Variants in ZSCAN1 observed in about 807,000 individuals in gnomAD.
ZSCAN1 encodes zinc finger and SCAN domain containing 1, also known as zinc finger and SCAN domain-containing protein 1.
A neutral mutation model predicts 23.8 loss-of-function variants in ZSCAN1; 23 were observed. The observed-to-expected ratio is 0.97, with a 90% CI of 0.70 to 1.37. The LOEUF is 1.37. Ranked by LOEUF, ZSCAN1 falls within the 40% of genes most tolerant of loss-of-function variation. The probability of loss-of-function intolerance (pLI) is 0.00; values close to 1 mark genes in which losing one functional copy is unlikely to be tolerated. For missense variants in ZSCAN1, 575 were observed against 554.0 expected (o/e 1.04, Z -0.38); for synonymous variants, 236 against 232.3 (o/e 1.02, Z -0.15).
chr19:58,041,949 T>C (rs1297450693), intron 4 of ZSCAN1, among the ~76,000 whole-genome samples: 1 of 152,146 alleles, frequency 6.6e-6, no homozygotes, highest in Non-Finnish European at 1.5e-5. Flanking sequence ...GGCAGGCGGA[T>C]CACAAGTTCA....
In ZSCAN1 at chr19:58,046,026, T is replaced by A. The variant is rs1307363011; in HGVS notation, c.465+5482T>A. The stretch of plus-strand genomic sequence containing the variant: ...ACCGCGAGAAGGAGCTGCAGAAGCA[T>A]TCGGAGGTGGCGAAGGATGTTGAAC... On this transcript the variant is annotated intron_variant, in intron 4 of 5. Coordinates refer to ENST00000282326, the MANE Select transcript of ZSCAN1 (RefSeq NM_182572.4). The A allele has an allele frequency of 2.0e-5, 14 of 697,260 alleles. No individual in the cohort carries two copies. In the East Asian group the frequency reaches 3.2e-4, roughly 16 times the overall value. 43.2% of individuals were successfully genotyped at this position (697,260 alleles called of 1,614,324 possible).
Position 58,035,951 on chromosome 19 carries a change from T to C in ZSCAN1, c.-151-19T>C, listed in dbSNP as rs1000654806. 6.6e-6 allele frequency: 1 copy of C among 152,162 alleles called. No individual in the cohort carries two copies. The highest frequency in any genetic ancestry group is 2.4e-5 in the African/African-American group (1 of 41,426). 9.4% of individuals were successfully genotyped at this position (152,162 alleles called of 1,614,324 possible). A position where few individuals can be genotyped will look rare whatever the true frequency, so the allele number is the denominator to read the frequency against. On this transcript the variant is annotated intron_variant, in intron 1 of 5. Coordinates refer to ENST00000282326, the MANE Select transcript of ZSCAN1 (RefSeq NM_182572.4). ...CCTAAAGATGTCTTGTTTTGTTTTG[T>C]TTTTCCATGTTGATGAAGGTCACAT...
chr19:58,045,883 C>A lies in ZSCAN1; in HGVS notation c.465+5339C>A. 1 of 1,010,782 alleles carries A rather than the reference C, an allele frequency of 9.9e-7. No homozygotes were observed. Among genetic ancestry groups the A allele is most frequent in the Non-Finnish European group, 1.6e-6 (1 of 630,358 alleles). The allele number at this position is 1,010,782 out of a possible 1,614,324, so 62.6% of individuals were successfully genotyped here. A position where few individuals can be genotyped will look rare whatever the true frequency, so the allele number is the denominator to read the frequency against. On this transcript the variant is annotated intron_variant, in intron 4 of 5. Coordinates refer to ENST00000282326, the MANE Select transcript of ZSCAN1 (RefSeq NM_182572.4). This position sits in a 1 kb window ranked among gnomAD's most constrained non-coding sequence, Gnocchi z 4.3. The stretch of plus-strand genomic sequence containing the variant: ...CCAGCTCAAGTCCACACTGCAGACT[C>A]TCCCAGAGATTGTGGCAAAGGAAGC...
intron 4 of ZSCAN1, chr19:58,044,494 T>TGAGGAGCCACCGAGACGGC (rs1402414291): frequency 5.1e-6 from 2 of 394,894 alleles, no homozygotes; most frequent in Non-Finnish European, 9.0e-6. Flanking sequence ...GGACGGCGCC[T>TGAGGAGCCACCGAGACGGC]GAGGAGCCAC....
chr19:58,043,933 C>T (rs2073806470), intron 4 of ZSCAN1, among the ~76,000 whole-genome samples: 1 of 151,710 alleles, frequency 6.6e-6, no homozygotes. Flanking sequence ...ACCCAAAGTG[C>T]TGGAATTACA....
chr19:58,035,727 G>A (rs562041838), intron 1 of ZSCAN1, among the ~76,000 whole-genome samples: 3 of 152,322 alleles, frequency 2.0e-5, no homozygotes, highest in East Asian at 1.9e-4. Context: ...ACGCTGACTC[G>A]AAGATGGCTG....
intron 4 of ZSCAN1, chr19:58,046,325 AG>A: frequency 1.1e-6 from 1 of 888,498 alleles, no homozygotes; most frequent in East Asian, 2.4e-5. Context: ...GAGCTCAAGA[AG>A]GAACTTTCAA....
At chr19:58,035,102 T>TCA (rs1040855438) in intron 1 of ZSCAN1, among the ~76,000 whole-genome samples, 1 of 151,826 alleles carries the variant, frequency 6.6e-6, no homozygotes, top group Non-Finnish European at 1.5e-5. Flanking sequence ...TGACACTCTC[T>TCA]CACACACACA....
At position 58,045,234 on chromosome 19, in the gene ZSCAN1, G is replaced by T; in HGVS notation, c.465+4690G>T. The stretch of plus-strand genomic sequence containing the variant: ...CCTGGTGCCGTTCCTCCTGTTCGTG[G>T]TGGTGCCGTTCGTGGAGTTTCTGCT... On this transcript the variant is annotated intron_variant, in intron 4 of 5. Transcript: ENST00000282326. The surrounding 1 kb of genome is among the most constrained non-coding windows in gnomAD (Gnocchi z 4.3). The T allele has an allele frequency of 1.2e-6, 1 of 815,638 alleles. No individual in the cohort carries two copies. The highest frequency in any genetic ancestry group is 1.3e-5 in the South Asian group (1 of 75,176). The allele number at this position is 815,638 out of a possible 1,614,324, so 50.5% of individuals were successfully genotyped here.
In ZSCAN1 at chr19:58,054,090, C is replaced by T; in HGVS notation, c.*39C>T. 6.9e-7 allele frequency: 1 copy of T among 1,449,934 alleles called. No individual in the cohort carries two copies. The highest frequency in any genetic ancestry group is 1.5e-5 in the South Asian group (1 of 68,660). 89.8% of individuals were successfully genotyped at this position (1,449,934 alleles called of 1,614,324 possible). A position where few individuals can be genotyped will look rare whatever the true frequency, so the allele number is the denominator to read the frequency against. ...GGCCTCGGCCACCCGGCCCTGAGTCCCTGGGGGGAGCTGATGGGCCCCAGA... is the reference window on the plus strand; with the variant it reads ...GGCCTCGGCCACCCGGCCCTGAGTCTCTGGGGGGAGCTGATGGGCCCCAGA... On this transcript the variant is annotated 3_prime_UTR_variant, in exon 6 of 6. Transcript: ENST00000282326. The surrounding 1 kb of genome is among the most constrained non-coding windows in gnomAD (Gnocchi z 4.2).
In ZSCAN1 at chr19:58,045,781, C is replaced by G. The variant is rs2073821406; in HGVS notation, c.465+5237C>G. ...GCTGAAGCAGTGGCTGGACCTGCAC[C>G]TGCATCAGGAGATCCCCACATCGCT... On this transcript the variant is annotated intron_variant, in intron 4 of 5. Transcript: ENST00000282326. The surrounding 1 kb of genome is among the most constrained non-coding windows in gnomAD (Gnocchi z 4.3). 3 of 1,558,510 alleles carry G rather than the reference C, an allele frequency of 1.9e-6. No homozygotes were observed. The East Asian group carries it at 6.7e-5, about 35-fold the overall frequency.
At position 58,037,715 on chromosome 19, in the gene ZSCAN1, C is replaced by A. The variant is rs1255071989; in HGVS notation, c.-109-13C>A. 1.6e-6 allele frequency: 2 copies of A among 1,260,304 alleles called. No homozygotes were observed. Among genetic ancestry groups the A allele is most frequent in the Non-Finnish European group, 2.1e-6 (2 of 943,668 alleles). The allele number at this position is 1,260,304 out of a possible 1,614,324, so 78.1% of individuals were successfully genotyped here. ...ATCTGATGTGACCCCTCTGTCCCTG[C>A]CCCTCTCTGCAGGCCCCTGATTGCT... On this transcript the variant is annotated splice_polypyrimidine_tract_variant and intron_variant, in intron 2 of 5. Coordinates refer to ENST00000282326, the MANE Select transcript of ZSCAN1 (RefSeq NM_182572.4).
At position 58,047,178 on chromosome 19, in the gene ZSCAN1, C is replaced by T. The variant is rs1336977735; in HGVS notation, c.466-5312C>T. Among the ~76,000 whole-genome samples the T allele has an allele frequency of 6.6e-6, 1 of 152,200 alleles. No homozygotes were observed. Among genetic ancestry groups the T allele is most frequent in the Non-Finnish European group, 1.5e-5 (1 of 68,036 alleles). ...GCCCACCCTCAGAGGCGTCAGGAGA[C>T]ACAGCCTGGCCCCCTCAGGGCTGAA... is the stretch of plus-strand genomic sequence containing the variant. On this transcript the variant is annotated intron_variant, in intron 4 of 5. Coordinates refer to ENST00000282326, the MANE Select transcript of ZSCAN1 (RefSeq NM_182572.4). This position sits in a 1 kb window ranked among gnomAD's most constrained non-coding sequence, Gnocchi z 4.9.
chr19:58,045,260 G>T lies in ZSCAN1; in HGVS notation c.465+4716G>T, dbSNP rs1335683028. On this transcript the variant is annotated intron_variant, in intron 4 of 5. Transcript: ENST00000282326. The surrounding 1 kb of genome is among the most constrained non-coding windows in gnomAD (Gnocchi z 4.3). ...TGGTGCCGTTCGTGGAGTTTCTGCT[G>T]CCTGTTGCTGTGAAACTCTTCCCCA... 2 of 794,820 alleles carry T rather than the reference G, an allele frequency of 2.5e-6. No homozygotes were observed. Among genetic ancestry groups the T allele is most frequent in the African/African-American group, 3.4e-5 (2 of 59,390 alleles). The allele number at this position is 794,820 out of a possible 1,614,324, so 49.2% of individuals were successfully genotyped here. A position where few individuals can be genotyped will look rare whatever the true frequency, so the allele number is the denominator to read the frequency against.
intron 1 of ZSCAN1, among the ~76,000 whole-genome samples, chr19:58,035,713 G>A (rs959177279): frequency 6.6e-5 from 10 of 152,306 alleles, no homozygotes; most frequent in Middle Eastern, 3.4e-3. Context: ...GCAGGTGGCC[G>A]GGTACGCTGA....
At chr19:58,046,491 G>A (rs868016442) in intron 4 of ZSCAN1, 1 of 885,088 alleles carries the variant, frequency 1.1e-6, no homozygotes, top group Non-Finnish European at 1.9e-6. Flanking sequence ...GCGTGCCCAT[G>A]GGGGAGAACG....
At chr19:58,036,886 G>A (rs146398747) in intron 2 of ZSCAN1, among the ~76,000 whole-genome samples, 2,172 of 152,198 alleles carry the variant, frequency 0.014, 75 homozygotes, top group African/African-American at 0.05. Flanking sequence ...GTTTCGCCAT[G>A]TCGGTCAGGC....
chr19:58,044,698 C>T, intron 4 of ZSCAN1: 1 of 769,380 alleles, frequency 1.3e-6, no homozygotes, highest in Non-Finnish European at 2.3e-6. Flanking sequence ...CTCATCTCAG[C>T]TTGCCAGCAC....
intron 3 of ZSCAN1, among the ~76,000 whole-genome samples, chr19:58,039,789 A>AT (rs1381604974): frequency 6.6e-6 from 1 of 151,776 alleles, no homozygotes; most frequent in African/African-American, 2.4e-5. Context: ...AAAAAAAAAA[A>AT]AAAGGAACAA....
Sources: gnomAD v4.1 joint callset for allele counts (sites outside exome capture counted in the v4.1 genomes callset) on GRCh38, gnomAD v4.1.1 for gene constraint, Gnocchi (gnomAD v3.1) non-coding constraint, MANE v1.5 for transcripts, NCBI Gene and HGNC (gene_info 2026-07-23, HGNC 2026-07-21) for gene names.